MTMR9: variants seen among roughly 807,000 people sequenced by gnomAD.
MTMR9 encodes the protein myotubularin-related protein 9.
A neutral mutation model predicts 69.5 loss-of-function variants in MTMR9; 39 were observed. That is an observed-to-expected ratio of 0.56 (90% confidence interval 0.43 to 0.73). MTMR9 has a LOEUF of 0.73. MTMR9 is among the 30% of genes least tolerant of loss of function. The pLI, the probability that MTMR9 is intolerant of heterozygous loss-of-function variation, is 0.00. For synonymous variants in MTMR9, 354 were observed against 240.8 expected, an observed-to-expected ratio of 1.47 and a Z score of -4.35; for missense variants, 900 against 671.2, an observed-to-expected ratio of 1.34 and a Z score of -3.77.
chr8:11,290,978 A>G (rs1424995047), intron 1 of MTMR9, among the ~76,000 whole-genome samples: 2 of 151,892 alleles, frequency 1.3e-5, no homozygotes, highest in East Asian at 3.9e-4. Context: ...TAATAATTGA[A>G]GACTCAAAGG....
At chr8:11,300,949 G>A (rs1799728877) in intron 3 of MTMR9, among the ~76,000 whole-genome samples, 1 of 152,160 alleles carries the variant, frequency 6.6e-6, no homozygotes, top group Admixed American at 6.5e-5. Context: ...CAGGTCATGT[G>A]GTCTCTGTTG....
At chr8:11,330,118 C>A (rs1801144948), downstream of MTMR9, among the ~76,000 whole-genome samples, 1 of 151,574 alleles carries the variant, frequency 6.6e-6, no homozygotes, top group South Asian at 2.1e-4. Flanking sequence ...AGGTCAGCCC[C>A]CGCCCGGCCA....
intron 2 of MTMR9, chr8:11,298,662 C>T: frequency 1.4e-6 from 1 of 706,444 alleles, no homozygotes; most frequent in South Asian, 6.5e-5. Context: ...AGGTGAATGT[C>T]TCCATCATTC....
In MTMR9 at chr8:11,298,395, A is replaced by G. The variant is rs1799629897; in HGVS notation, c.292-1628A>G. Among the ~76,000 whole-genome samples, 2 of 151,964 alleles carry G rather than the reference A, an allele frequency of 1.3e-5. 1 individual carries two copies. The highest frequency in any genetic ancestry group is 1.3e-4 in the Admixed American group (2 of 15,260). On this transcript the variant is annotated intron_variant, in intron 2 of 9. Coordinates refer to ENST00000221086, the MANE Select transcript of MTMR9 (RefSeq NM_015458.4). ...AGATGTAGGAAAAATATATATATAT[A>G]TATTTATATGGATAATGGATTATAC...
rs148368414 is a variant in MTMR9, at chr8:11,316,867, A to G, written c.1308A>G (p.Thr436=). 4 of 1,605,506 alleles carry G rather than the reference A, an allele frequency of 2.5e-6. No individual in the cohort carries two copies. The highest frequency in any genetic ancestry group is 3.4e-6 in the Non-Finnish European group (4 of 1,176,296). The change falls in exon 8 of 10, where the codon ACA becomes ACG. Residue 436 remains threonine, a synonymous_variant. Coordinates refer to ENST00000221086, the MANE Select transcript of MTMR9 (RefSeq NM_015458.4). ...FEHAYASQFG[T]FLGNNESERC... is the part of the protein sequence containing the mutation. ...ATGCTTATGCCTCACAGTTTGGAACATTTCTGGGCAACAATGAAAGTGAAA... is the reference window on the plus strand; with the variant it reads ...ATGCTTATGCCTCACAGTTTGGAACGTTTCTGGGCAACAATGAAAGTGAAA...
rs1799469839 is a variant in MTMR9, at chr8:11,294,222, T to C, written c.183-972T>C. 1.3e-5 allele frequency among the ~76,000 whole-genome samples: 2 copies of C among 152,178 alleles called. 1 individual carries two copies. Among genetic ancestry groups the C allele is most frequent in the South Asian group, 4.1e-4 (2 of 4,834 alleles). ...TTACTTCTTTTTTAATCCTTTTTTA[T>C]TCTTTTTACCTTACTGCACTAGTTA... On this transcript the variant is annotated intron_variant, in intron 1 of 9. Coordinates refer to ENST00000221086, the MANE Select transcript of MTMR9 (RefSeq NM_015458.4).
In MTMR9 at chr8:11,314,992, C is replaced by G. The variant is rs1800355193; in HGVS notation, c.1041C>G (p.Ala347=). 6.2e-7 allele frequency: 1 copy of G among 1,613,968 alleles called. No homozygotes were observed. The highest frequency in any genetic ancestry group is 8.5e-7 in the Non-Finnish European group (1 of 1,179,922). The part of the protein sequence containing the change: ...TDSTLQVTSL[A]QIILEPRSRT... ...CCACACTCCAGGTGACCTCCTTGGC[C>G]CAGATCATCTTAGAGCCAAGAAGCA... The change falls in exon 7 of 10, where the codon GCC becomes GCG. Residue 347 remains alanine (A), a synonymous_variant. Transcript: ENST00000221086.
chr8:11,309,779 A>T, intron 6 of MTMR9, 91 bp downstream of exon 6: 3 of 1,418,840 alleles, frequency 2.1e-6, no homozygotes, highest in Non-Finnish European at 2.9e-6. Flanking sequence ...ATTATGTGAA[A>T]GTTTGCAGTA....
At chr8:11,290,837 C>T (rs181094577) in intron 1 of MTMR9, among the ~76,000 whole-genome samples, 31 of 148,714 alleles carry the variant, frequency 2.1e-4, no homozygotes, top group East Asian at 1.2e-3. Context: ...GTCCAAAAAT[C>T]GGATAGTGCT....
At position 11,303,528 on chromosome 8, in the gene MTMR9, T is replaced by A. The variant is rs1011514765; in HGVS notation, c.418-1313T>A. On this transcript the variant is annotated intron_variant, in intron 3 of 9. Coordinates refer to ENST00000221086, the MANE Select transcript of MTMR9 (RefSeq NM_015458.4). Reference sequence around the variant, plus strand: ...AAATCTTTAGAAACTGTGTTTTTTTTAAATTAATTAATTAATTATTTTTTG... The same window carrying A: ...AAATCTTTAGAAACTGTGTTTTTTTAAAATTAATTAATTAATTATTTTTTG... 3.2e-4 allele frequency among the ~76,000 whole-genome samples: 49 copies of A among 152,136 alleles called. 1 individual carries two copies. Among genetic ancestry groups the A allele is most frequent in the East Asian group, 9.6e-4 (5 of 5,198 alleles).
At chr8:11,304,754 T>C in intron 3 of MTMR9, 87 bp from the exon 4 acceptor site, 2 of 1,335,460 alleles carry the variant, frequency 1.5e-6, no homozygotes, top group Non-Finnish European at 1.0e-6. Flanking sequence ...TCAGTGAAAG[T>C]TGACCTCTAA....
intron 2 of MTMR9, among the ~76,000 whole-genome samples, chr8:11,297,262 T>C (rs543846209): frequency 1.2e-4 from 18 of 152,360 alleles, no homozygotes; most frequent in Middle Eastern, 3.4e-3. Flanking sequence ...AAAACTGTTA[T>C]AGTGCTAAGT....
At chr8:11,328,785 C>T (rs544144677), downstream of MTMR9, among the ~76,000 whole-genome samples, 72 of 152,168 alleles carry the variant, frequency 4.7e-4, no homozygotes, top group Non-Finnish European at 6.0e-4. Context: ...TAGATATCAC[C>T]TTATTTCAGG....
chr8:11,310,546 A>C (rs1412035387), intron 6 of MTMR9, among the ~76,000 whole-genome samples: 1 of 152,202 alleles, frequency 6.6e-6, no homozygotes, highest in African/African-American at 2.4e-5. Flanking sequence ...AGAGCCATCA[A>C]GGTAGAGTCC....
chr8:11,294,011 G>C (rs185925100), intron 1 of MTMR9, among the ~76,000 whole-genome samples: 2 of 152,132 alleles, frequency 1.3e-5, no homozygotes, highest in East Asian at 3.9e-4. Context: ...AAGTTGTTTT[G>C]GCTATTTGAA....
At chr8:11,332,536 A>G (rs1285994016), downstream of MTMR9, among the ~76,000 whole-genome samples, 2 of 152,134 alleles carry the variant, frequency 1.3e-5, no homozygotes, top group Non-Finnish European at 2.9e-5. Flanking sequence ...TTTGTAGCTG[A>G]AACGTGCGAC....
At chr8:11,302,504 T>A (rs1799786290) in intron 3 of MTMR9, among the ~76,000 whole-genome samples, 1 of 152,134 alleles carries the variant, frequency 6.6e-6, no homozygotes, top group Admixed American at 6.5e-5. Context: ...ACCTGCATGG[T>A]GTTAGATTAA....
At chr8:11,295,932 A>T (rs946181103) in intron 2 of MTMR9, among the ~76,000 whole-genome samples, 4 of 152,204 alleles carry the variant, frequency 2.6e-5, no homozygotes, top group Admixed American at 2.0e-4. Flanking sequence ...AGACACTGCA[A>T]ACCACTAGTG....
downstream of MTMR9, chr8:11,332,145 G>A: frequency 6.2e-7 from 1 of 1,611,478 alleles, no homozygotes; most frequent in Non-Finnish European, 8.5e-7. Flanking sequence ...GGAGCCCGGG[G>A]GTTGGGAGGG....
Sources: gnomAD v4.1 joint callset for allele counts (sites outside exome capture counted in the v4.1 genomes callset) on GRCh38, gnomAD v4.1.1 for gene constraint, MANE v1.5 for transcripts, NCBI Gene and HGNC (gene_info 2026-07-23, HGNC 2026-07-21) for gene names.